Variants in KDM5A observed in about 807,000 individuals in gnomAD.
KDM5A encodes the protein lysine demethylase 5A, also known as lysine-specific demethylase 5A.
A neutral mutation model predicts 193.5 loss-of-function variants in KDM5A; 42 were observed. That is an observed-to-expected ratio of 0.22 (90% confidence interval 0.17 to 0.28). The LOEUF (loss-of-function observed/expected upper bound fraction) is 0.28. Ranked by LOEUF, KDM5A falls within the 10% of genes least tolerant of loss-of-function variation. KDM5A has a pLI of 1.00. For synonymous variants in KDM5A, 796 were observed against 718.1 expected, an observed-to-expected ratio of 1.11 and a Z score of -1.73; for missense variants, 1,692 against 2,055.1, an observed-to-expected ratio of 0.82 and a Z score of 3.42.
chr12:349,627 C>A (rs1944125704), intron 10 of KDM5A, among the ~76,000 whole-genome samples: 1 of 152,078 alleles, frequency 6.6e-6, no homozygotes, highest in Admixed American at 6.5e-5. Flanking sequence ...CACGCCCATC[C>A]TGGATTTTAT....
rs761782786 is a variant in KDM5A at position 322,575 on chromosome 12, A to C, written c.2276-8T>G. The stretch of plus-strand genomic sequence containing the variant: ...CTCGCAATTCAATCAAATCTGTAAA[A>C]ATTTAAATAAAGAGCCATATACAAT... On this transcript the variant is annotated splice_region_variant and splice_polypyrimidine_tract_variant and intron_variant, in intron 16 of 27. Coordinates refer to ENST00000399788, the MANE Select transcript of KDM5A (RefSeq NM_001042603.3). The C allele has an allele frequency of 6.2e-7, 1 of 1,609,664 alleles. No homozygotes were observed. The highest frequency in any genetic ancestry group is 8.5e-7 in the Non-Finnish European group (1 of 1,177,878).
intron 14 of KDM5A, among the ~76,000 whole-genome samples, chr12:325,985 A>C (rs1591914381): frequency 6.6e-6 from 1 of 152,196 alleles, no homozygotes; most frequent in African/African-American, 2.4e-5. Context: ...CTGCACTCCA[A>C]CCTGGGTGGC....
At chr12:346,763 T>A (rs1348634660) in intron 10 of KDM5A, among the ~76,000 whole-genome samples, 1 of 152,142 alleles carries the variant, frequency 6.6e-6, no homozygotes, top group Non-Finnish European at 1.5e-5. Context: ...ATGGAATGTA[T>A]CTCAAAATAA....
chr12:301,392 G>T (rs544416380), intron 24 of KDM5A, among the ~76,000 whole-genome samples: 2 of 152,202 alleles, frequency 1.3e-5, no homozygotes, highest in African/African-American at 4.8e-5. Context: ...ATCAATAAAC[G>T]TAATCCATCA....
rs576759645 is a variant in KDM5A at position 372,849 on chromosome 12, T to C, written c.367-6745A>G. Reference sequence around the variant, plus strand: ...GCCTTTTCTGCATCTATTGAGATAATTGTGTGGTTTTTGTCTTTGGTTCTG... The same window carrying C: ...GCCTTTTCTGCATCTATTGAGATAACTGTGTGGTTTTTGTCTTTGGTTCTG... On this transcript the variant is annotated intron_variant, in intron 3 of 27. Transcript: ENST00000399788. Among the ~76,000 whole-genome samples the C allele has an allele frequency of 1.4e-4, 21 of 152,330 alleles. No homozygotes were observed. In the South Asian group the frequency reaches 3.3e-3, roughly 24 times the overall value.
At chr12:383,642 A>G (rs576425913) in intron 3 of KDM5A, among the ~76,000 whole-genome samples, 20 of 152,338 alleles carry the variant, frequency 1.3e-4, no homozygotes, top group African/African-American at 4.3e-4. Context: ...ACAGAGCCTG[A>G]TAAATATTAA....
intron 10 of KDM5A, among the ~76,000 whole-genome samples, chr12:342,242 G>C (rs532728082): frequency 6.6e-6 from 1 of 152,012 alleles, no homozygotes; most frequent in African/African-American, 2.4e-5. Flanking sequence ...TCTTTTAACA[G>C]GAGATAAATT....
intron 1 of KDM5A, among the ~76,000 whole-genome samples, chr12:386,409 G>A (rs1944638188): frequency 6.6e-6 from 1 of 152,212 alleles, no homozygotes; most frequent in Admixed American, 6.5e-5. Context: ...AGCCACCAGT[G>A]TGGACAATTT....
At chr12:337,169 C>A (rs1187993579) in intron 10 of KDM5A, among the ~76,000 whole-genome samples, 2 of 152,190 alleles carry the variant, frequency 1.3e-5, no homozygotes, top group African/African-American at 2.4e-5. Context: ...GTAAGACGTG[C>A]CTGCTTAGCC....
In KDM5A at chr12:280,910, T is replaced by A. The variant is rs1177987871; in HGVS notation, c.*4546A>T. 4.3e-6 allele frequency: 1 copy of A among 232,848 alleles called. No individual in the cohort carries two copies. Among genetic ancestry groups the A allele is most frequent in the Non-Finnish European group, 8.5e-6 (1 of 117,906 alleles). The allele number at this position is 232,848 out of a possible 1,614,324, so 14.4% of individuals were successfully genotyped here. On this transcript the variant is annotated 3_prime_UTR_variant, in exon 28 of 28. Transcript: ENST00000399788. The stretch of plus-strand genomic sequence containing the variant: ...AAATTATTTTGGCTCAGTTCTTTAT[T>A]TTATAGTTAGCAAATGAAATTAGAA...
chr12:336,531 G>C (rs1368476676), intron 10 of KDM5A, among the ~76,000 whole-genome samples: 1 of 152,132 alleles, frequency 6.6e-6, no homozygotes, highest in Admixed American at 6.5e-5. Context: ...TGATTGGTTG[G>C]TCAGCTGGCT....
intron 10 of KDM5A, among the ~76,000 whole-genome samples, chr12:342,774 T>A (rs7954665): frequency 0.066 from 8,344 of 126,762 alleles, 568 homozygotes; most frequent in African/African-American, 0.18. Context: ...AAATGTGATT[T>A]AAAAAAAAAA....
chr12:292,064 T>C (rs1943302009), intron 27 of KDM5A, among the ~76,000 whole-genome samples: 2 of 152,000 alleles, frequency 1.3e-5, no homozygotes, highest in African/African-American at 4.8e-5. Context: ...CACCACACCC[T>C]GCTCATTTTT....
In KDM5A at chr12:284,482, G is replaced by A. The variant is rs575608478; in HGVS notation, c.*974C>T. 1 of 232,720 alleles carries A rather than the reference G, an allele frequency of 4.3e-6. No individual in the cohort carries two copies. Among genetic ancestry groups the A allele is most frequent in the African/African-American group, 2.2e-5 (1 of 45,394 alleles). 14.4% of individuals were successfully genotyped at this position (232,720 alleles called of 1,614,324 possible). A position where few individuals can be genotyped will look rare whatever the true frequency, so the allele number is the denominator to read the frequency against. On this transcript the variant is annotated 3_prime_UTR_variant, in exon 28 of 28. Coordinates refer to ENST00000399788, the MANE Select transcript of KDM5A (RefSeq NM_001042603.3). Reference sequence around the variant, plus strand: ...TGGAAACAGCAGACATTGGGGTCAGGGCTGCAAGGCAAAAAGCTGTTATTT... The same window carrying A: ...TGGAAACAGCAGACATTGGGGTCAGAGCTGCAAGGCAAAAAGCTGTTATTT...
chr12:292,876 T>C lies in KDM5A; in HGVS notation c.4749A>G (p.Lys1583=). 1 of 1,614,200 alleles carries C rather than the reference T, an allele frequency of 6.2e-7. No homozygotes were observed. Residue 1583 remains lysine (K), a synonymous_variant, in exon 27 of 28, where the codon AAA becomes AAG. Transcript: ENST00000399788. ...VELVKESTEK[K]REKKVLDIPS... ...GGATGTCCAGCACCTTTTTCTCTCT[T>C]TTCTTTTCAGTGCTCTCTTTCACAA...
At position 312,910 on chromosome 12, in the gene KDM5A, A is replaced by T. The variant is rs1437656173; in HGVS notation, c.3036+146T>A. ...ACTCAATGCATATCACTTTCGCACC[A>T]TCATAAAGTCTAAAAATCACAAATC... On this transcript the variant is annotated intron_variant, in intron 20 of 27. Transcript: ENST00000399788. 51 of 964,934 alleles carry T rather than the reference A, an allele frequency of 5.3e-5. 1 individual carries two copies. The highest frequency in any genetic ancestry group is 6.8e-5 in the Non-Finnish European group (42 of 617,012). The allele number at this position is 964,934 out of a possible 1,614,324, so 59.8% of individuals were successfully genotyped here.
intron 3 of KDM5A, among the ~76,000 whole-genome samples, chr12:367,242 T>TA (rs1177143755): frequency 6.6e-6 from 1 of 152,128 alleles, no homozygotes; most frequent in Non-Finnish European, 1.5e-5. Context: ...TATACTACTG[T>TA]ATCTTACTAC....
chr12:293,624 C>T (rs1943329588), intron 26 of KDM5A, among the ~76,000 whole-genome samples: 1 of 151,732 alleles, frequency 6.6e-6, no homozygotes, highest in Non-Finnish European at 1.5e-5. Flanking sequence ...ACTAAAAATA[C>T]AAAAATTAGC....
chr12:292,613 C>A, intron 27 of KDM5A, 146 bp downstream of exon 27: 1 of 979,102 alleles, frequency 1.0e-6, no homozygotes. Flanking sequence ...TTATTCAAAA[C>A]AGTTTATAGA....
Sources: gnomAD v4.1 joint callset for allele counts (sites outside exome capture counted in the v4.1 genomes callset) on GRCh38, gnomAD v4.1.1 for gene constraint, MANE v1.5 for transcripts, NCBI Gene and HGNC (gene_info 2026-07-23, HGNC 2026-07-21) for gene names.